The following POLA2 variants were observed in gnomAD, a reference collection of about 807,000 sequenced individuals.
POLA2 encodes the protein DNA polymerase alpha subunit B.
Under a neutral mutation model 82.8 loss-of-function variants are expected in POLA2, and 47 were observed. The ratio of observed to expected loss-of-function variants is 0.57; its 90% confidence interval spans 0.45 to 0.72. The LOEUF (loss-of-function observed/expected upper bound fraction) is 0.72. Among genes scored for constraint, POLA2 ranks in the 30% least tolerant of loss-of-function variants. The pLI is 0.00. For missense variants in POLA2, 634 were observed against 728.1 expected (o/e 0.87, Z 1.49); for synonymous variants, 287 against 286.8 (o/e 1.00, Z -0.01).
chr11:65,289,877 G>C lies in POLA2; in HGVS notation c.1244+5G>C, dbSNP rs1465339284. The C allele has an allele frequency of 6.3e-7, 1 of 1,579,898 alleles. No individual in the cohort carries two copies. Among genetic ancestry groups the C allele is most frequent in the Non-Finnish European group, 8.7e-7 (1 of 1,149,094 alleles). ...AATTATTGAAGGCACAAGAAGGTCA[G>C]ATTTCAAAATACTGGACAGAACCTT... On this transcript the variant is annotated splice_donor_5th_base_variant and intron_variant, in intron 13 of 17. Transcript: ENST00000265465.
chr11:65,295,400 C>G, intron 15 of POLA2, 140 bp from the exon 16 acceptor site: 1 of 726,726 alleles, frequency 1.4e-6, no homozygotes, highest in Non-Finnish European at 2.4e-6. Flanking sequence ...GGTCTTTAAA[C>G]TTCCCCAGAG....
chr11:65,269,239 T>G (rs995391181), intron 4 of POLA2, among the ~76,000 whole-genome samples: 1 of 152,042 alleles, frequency 6.6e-6, no homozygotes, highest in Non-Finnish European at 1.5e-5. Context: ...TCCCAGCACT[T>G]TGGGAGGCTG....
chr11:65,290,967 C>T (rs1408037398), intron 13 of POLA2, among the ~76,000 whole-genome samples: 1 of 152,196 alleles, frequency 6.6e-6, no homozygotes, highest in Non-Finnish European at 1.5e-5. Context: ...GAATCCTTGC[C>T]ATAGACCAAA....
At chr11:65,305,277 CAT>C (rs1010131667) in intron 8 of POLA2, 20 of 436,400 alleles carry the variant, frequency 4.6e-5, no homozygotes, top group South Asian at 9.8e-5. Context: ...AAAAGAAACA[CAT>C]GTGGCTCTTA....
At chr11:65,280,893 G>A in intron 7 of POLA2, 99 bp from the exon 8 acceptor site, 1 of 1,171,636 alleles carries the variant, frequency 8.5e-7, no homozygotes, top group Non-Finnish European at 1.2e-6. Context: ...AAATGTATTT[G>A]TTGTTTGCAG....
intron 1 of POLA2, among the ~76,000 whole-genome samples, chr11:65,263,949 G>T (rs1356484818): frequency 6.6e-6 from 1 of 152,234 alleles, no homozygotes; most frequent in Non-Finnish European, 1.5e-5. Context: ...TTCAGGCCAA[G>T]ATGCCAGTTG....
Position 65,275,905 on chromosome 11 carries a change from G to T in POLA2, c.368G>T (p.Arg123Leu). 1 of 1,604,960 alleles carries T rather than the reference G, an allele frequency of 6.2e-7. No homozygotes were observed. The highest frequency in any genetic ancestry group is 1.1e-5 in the South Asian group (1 of 89,476). Residue 123 changes from arginine (R) to leucine (L), a missense_variant, in exon 5 of 18, where the codon CGA becomes CTA. Arg to Leu is a moderately radical substitution (Grantham distance 102). Coordinates refer to ENST00000265465, the MANE Select transcript of POLA2 (RefSeq NM_002689.4). ...TTTTTTCCCTAGGGTTCTCAGAAGC[G>T]AGCTATCTCTACCCCAGAAACCCCC... ...YTTPSKGSQK[R>L]AISTPETPLT...
intron 10 of POLA2, 62 bp from the exon 11 acceptor site, chr11:65,287,654 T>C: frequency 1.4e-6 from 2 of 1,463,750 alleles, no homozygotes; most frequent in Non-Finnish European, 1.9e-6. Context: ...TCATTGTCCT[T>C]TCTCCTCCCA....
chr11:65,282,504 C>A lies in POLA2; in HGVS notation c.989C>A (p.Pro330His), dbSNP rs1193664250. ...GGTGTGCCACTTCCATTTTATCAGC[C>A]CACTGAAGAGGATGCAGGTGAGTTT... ...YEGVPLPFYQPTEEDADFEQS... is the reference protein window; with the variant it reads ...YEGVPLPFYQHTEEDADFEQS... The change falls in exon 10 of 18, where the codon CCC (proline) becomes CAC (histidine). Residue 330 changes from proline to histidine, a missense_variant. By Grantham distance (77) the Pro-to-His change is moderately conservative. Coordinates refer to ENST00000265465, the MANE Select transcript of POLA2 (RefSeq NM_002689.4). The A allele has an allele frequency of 2.5e-5, 41 of 1,613,498 alleles. No individual in the cohort carries two copies. The highest frequency in any genetic ancestry group is 3.5e-5 in the Non-Finnish European group (41 of 1,179,620).
Position 65,266,695 on chromosome 11 carries a change from T to C in POLA2, c.193T>C (p.Phe65Leu). ...CCTTACCTCAGAGATCCTGAACTCT[T>C]TTGAGCATGAGGTAAGAACAAAATG... ...VGLTSEILNS[F>L]EHEFLSKRLS... The change falls in exon 2 of 18, where the codon TTT becomes CTT. Residue 65 changes from phenylalanine (F) to leucine (L), a missense_variant. By Grantham distance (22) the Phe-to-Leu change is conservative. Coordinates refer to ENST00000265465, the MANE Select transcript of POLA2 (RefSeq NM_002689.4). The C allele has an allele frequency of 1.2e-6, 2 of 1,614,094 alleles. No individual in the cohort carries two copies. The highest frequency in any genetic ancestry group is 1.7e-6 in the Non-Finnish European group (2 of 1,179,944).
intron 13 of POLA2, among the ~76,000 whole-genome samples, chr11:65,290,716 TC>T (rs1949746287): frequency 6.6e-6 from 1 of 152,206 alleles, no homozygotes; most frequent in Non-Finnish European, 1.5e-5. Flanking sequence ...TATACTTAGT[TC>T]CTTTTCTCAC....
intron 4 of POLA2, among the ~76,000 whole-genome samples, chr11:65,274,614 A>G (rs1464934480): frequency 6.6e-6 from 1 of 151,226 alleles, no homozygotes. Context: ...CAGGAGGCAG[A>G]GGTTGTAGTG....
chr11:65,273,011 CAA>C (rs537778442), intron 4 of POLA2, among the ~76,000 whole-genome samples: 4 of 129,462 alleles, frequency 3.1e-5, no homozygotes, highest in Non-Finnish European at 3.3e-5. Context: ...AACTCCATCT[CAA>C]AAAAAAAAAA....
At chr11:65,264,520 A>G (rs572481202) in intron 1 of POLA2, among the ~76,000 whole-genome samples, 5 of 152,334 alleles carry the variant, frequency 3.3e-5, no homozygotes, top group African/African-American at 1.2e-4. Context: ...TGAGTCTTCC[A>G]GATGATTGTT....
At position 65,262,028 on chromosome 11, in the gene POLA2, AG is replaced by A; in HGVS notation, c.-264del. ...GGAAGCAGGACGTTCTCACCAGGAG[AG>A]CGTCCTCTCGAGATTTCTGCTCCCT... On this transcript the variant is annotated 5_prime_UTR_variant, in exon 1 of 18. Transcript: ENST00000265465. 1 of 531,902 alleles carries A rather than the reference AG, an allele frequency of 1.9e-6. No homozygotes were observed. The highest frequency in any genetic ancestry group is 3.3e-6 in the Non-Finnish European group (1 of 300,582). 32.9% of individuals were successfully genotyped at this position (531,902 alleles called of 1,614,324 possible).
chr11:65,274,323 C>T (rs1308111682), intron 4 of POLA2, among the ~76,000 whole-genome samples: 1 of 150,458 alleles, frequency 6.6e-6, no homozygotes, highest in African/African-American at 2.5e-5. Context: ...GCCGAGATCG[C>T]ACATCGCACT....
At chr11:65,301,997 C>G (rs530670739), downstream of POLA2, among the ~76,000 whole-genome samples, 5 of 152,288 alleles carry the variant, frequency 3.3e-5, no homozygotes, top group South Asian at 1.0e-3. Flanking sequence ...CCGCCTCTTC[C>G]CGGGGCTCTA....
intron 4 of POLA2, among the ~76,000 whole-genome samples, chr11:65,270,902 A>G (rs1473404580): frequency 1.3e-5 from 2 of 152,092 alleles, no homozygotes; most frequent in Non-Finnish European, 2.9e-5. Flanking sequence ...CTGATATGCA[A>G]AGTTTGAACC....
chr11:65,284,866 G>A (rs1949679368), intron 10 of POLA2, among the ~76,000 whole-genome samples: 1 of 152,142 alleles, frequency 6.6e-6, no homozygotes, highest in South Asian at 2.1e-4. Context: ...CACTGTTAAG[G>A]ATTAGCAACC....
Sources: allele counts gnomAD v4.1 joint callset (sites outside exome capture counted in the v4.1 genomes callset), GRCh38; gene constraint gnomAD v4.1.1; transcripts MANE v1.5; gene names NCBI Gene and HGNC (gene_info 2026-07-23, HGNC 2026-07-21).